NEK7: variants seen among roughly 807,000 people sequenced by gnomAD.
NEK7 encodes serine/threonine-protein kinase Nek7.
In NEK7, 18 loss-of-function variants were observed where a neutral mutation model predicts 44.6. That is an observed-to-expected ratio of 0.40 (90% CI 0.28 to 0.60). The LOEUF is 0.60. NEK7 is among the 20% of genes least tolerant of loss of function. The probability of loss-of-function intolerance (pLI) is 0.38; values close to 1 mark genes in which losing one functional copy is unlikely to be tolerated. For synonymous variants in NEK7, 130 were observed against 121.1 expected (o/e 1.07, Z -0.48); for missense variants, 256 against 366.5 (o/e 0.70, Z 2.46).
At chr1:198,308,028 G>A (rs1655066549) in intron 9 of NEK7, among the ~76,000 whole-genome samples, 1 of 151,946 alleles carries the variant, frequency 6.6e-6, no homozygotes, top group African/African-American at 2.4e-5. Context: ...ATTCATTCTT[G>A]GATTTTTCAT....
At chr1:198,239,814 C>CCT (rs1666634622) in intron 2 of NEK7, among the ~76,000 whole-genome samples, 1 of 152,156 alleles carries the variant, frequency 6.6e-6, no homozygotes, top group African/African-American at 2.4e-5. Context: ...CATTGTCAGG[C>CCT]AAGTTCTTTG....
chr1:198,296,480 A>G (rs1483729400), intron 8 of NEK7, among the ~76,000 whole-genome samples: 1 of 152,182 alleles, frequency 6.6e-6, no homozygotes, highest in African/African-American at 2.4e-5. Context: ...TTTTCTGCAT[A>G]AAAATCTCAT....
chr1:198,268,749 C>T (rs3885821), intron 5 of NEK7, among the ~76,000 whole-genome samples: 20,954 of 152,038 alleles, frequency 0.14, 2,111 homozygotes, highest in East Asian at 0.57. Context: ...GATCCGAGTC[C>T]GTTTTGTGTA....
chr1:198,297,219 T>C lies in NEK7; in HGVS notation c.777T>C (p.Pro259=). Residue 259 remains proline, a synonymous_variant, in exon 9 of 10, where the codon CCT becomes CCC. Transcript: ENST00000367385. The part of the protein sequence containing the change: ...KIEQCDYPPL[P]SDHYSEELRQ... ...AACAGTGTGACTACCCACCTCTTCCTTCAGATCACTATTCAGAAGAAGTAA... is the reference window on the plus strand; with the variant it reads ...AACAGTGTGACTACCCACCTCTTCCCTCAGATCACTATTCAGAAGAAGTAA... 1.2e-6 allele frequency: 2 copies of C among 1,613,534 alleles called. No individual in the cohort carries two copies. Among genetic ancestry groups the C allele is most frequent in the South Asian group, 1.1e-5 (1 of 91,058 alleles).
At chr1:198,166,605 C>T (rs1393154348) in intron 1 of NEK7, among the ~76,000 whole-genome samples, 1 of 151,894 alleles carries the variant, frequency 6.6e-6, no homozygotes, top group Non-Finnish European at 1.5e-5. Context: ...ATAGTGAGGC[C>T]CAAGGAGAGG....
chr1:198,229,363 T>C (rs1163508564), intron 1 of NEK7, among the ~76,000 whole-genome samples: 2 of 152,142 alleles, frequency 1.3e-5, no homozygotes, highest in Non-Finnish European at 2.9e-5. Flanking sequence ...AATAGACTGG[T>C]AAACGTATTT....
At chr1:198,219,752 T>G (rs752493648) in intron 1 of NEK7, among the ~76,000 whole-genome samples, 1 of 152,060 alleles carries the variant, frequency 6.6e-6, no homozygotes, top group Non-Finnish European at 1.5e-5. Context: ...GTTTATATTT[T>G]TGGCAGGAAT....
At chr1:198,242,809 A>T (rs1316211605) in intron 2 of NEK7, among the ~76,000 whole-genome samples, 29 of 140,882 alleles carry the variant, frequency 2.1e-4, no homozygotes, top group Non-Finnish European at 6.2e-5. Flanking sequence ...TATATTTTTA[A>T]TTTTTTTTTT....
At chr1:198,297,295 AT>A in intron 9 of NEK7, 55 bp downstream of exon 9, 1 of 1,601,056 alleles carries the variant, frequency 6.2e-7, no homozygotes. Context: ...TAACATTTTT[AT>A]TTTACCAAGA....
Position 198,157,180 on chromosome 1 carries a change from C to G in NEK7, c.-125C>G, listed in dbSNP as rs989632207. 2 of 151,832 alleles carry G rather than the reference C, an allele frequency of 1.3e-5. No individual in the cohort carries two copies. Among genetic ancestry groups the G allele is most frequent in the Non-Finnish European group, 2.9e-5 (2 of 67,990 alleles). The allele number at this position is 151,832 out of a possible 1,614,324, so 9.4% of individuals were successfully genotyped here. A position where few individuals can be genotyped will look rare whatever the true frequency, so the allele number is the denominator to read the frequency against. On this transcript the variant is annotated 5_prime_UTR_variant, in exon 1 of 10. Coordinates refer to ENST00000367385, the MANE Select transcript of NEK7 (RefSeq NM_133494.3). ...GCTCCGGGCCTCGCAGCCTCAGCCC[C>G]CGGCCCAGCGCGCTTTCCGACGGCG...
chr1:198,225,515 G>T (rs1390540018), intron 1 of NEK7, among the ~76,000 whole-genome samples: 1 of 152,056 alleles, frequency 6.6e-6, no homozygotes, highest in Non-Finnish European at 1.5e-5. Context: ...TTGCTAAAAA[G>T]ATTGTCTTTC....
In NEK7 at chr1:198,319,500, A is replaced by G. The variant is rs1411097098; in HGVS notation, c.887A>G (p.His296Arg). The G allele has an allele frequency of 5.0e-6, 8 of 1,609,136 alleles. No homozygotes were observed. The highest frequency in any genetic ancestry group is 1.1e-5 in the South Asian group (1 of 90,766). The stretch of plus-strand genomic sequence containing the variant: ...GTTTATGACGTAGCAAAGAGGATGC[A>G]TGCATGCACTGCAAGCAGCTAAACA... ...TYVYDVAKRM[H>R]ACTASS The change falls in exon 10 of 10, where the codon CAT (histidine) becomes CGT (arginine). Residue 296 changes from histidine to arginine, a missense_variant. This residue lies in a region of NEK7 where 58 missense variants were observed against 66.5 expected (regional missense o/e 0.87). Transcript: ENST00000367385.
chr1:198,175,602 G>T (rs1300529812), intron 1 of NEK7, among the ~76,000 whole-genome samples: 1 of 152,326 alleles, frequency 6.6e-6, no homozygotes. Flanking sequence ...ACAGCTGAAT[G>T]ATTAGCTTAG....
chr1:198,197,065 T>G (rs147221854), intron 1 of NEK7, among the ~76,000 whole-genome samples: 45 of 152,304 alleles, frequency 3.0e-4, no homozygotes, highest in African/African-American at 1.0e-3. Flanking sequence ...ACATGAAGAT[T>G]ATCATGAGAA....
intron 1 of NEK7, among the ~76,000 whole-genome samples, chr1:198,170,309 A>C (rs1189468947): frequency 6.6e-6 from 1 of 152,154 alleles, no homozygotes; most frequent in Non-Finnish European, 1.5e-5. Flanking sequence ...TGGAGACCAG[A>C]CAGAGACTAG....
intron 7 of NEK7, among the ~76,000 whole-genome samples, chr1:198,279,292 A>G (rs953032478): frequency 1.8e-4 from 28 of 151,936 alleles, no homozygotes; most frequent in African/African-American, 6.0e-4. Context: ...AAAAAAAAAA[A>G]TGCTGATAAG....
At chr1:198,192,359 G>A (rs1288740956) in intron 1 of NEK7, among the ~76,000 whole-genome samples, 1 of 149,340 alleles carries the variant, frequency 6.7e-6, no homozygotes. Flanking sequence ...CCAGCTTTTG[G>A]TTTTGTTGAA....
chr1:198,263,249 G>A (rs894399534), intron 4 of NEK7, among the ~76,000 whole-genome samples: 3 of 151,750 alleles, frequency 2.0e-5, no homozygotes, highest in Non-Finnish European at 4.4e-5. Context: ...TATGCCATCC[G>A]TTTGTGTTAG....
At chr1:198,231,301 G>GTATATATATATATATATATATATATA (rs749263549) in intron 1 of NEK7, among the ~76,000 whole-genome samples, 1 of 86,976 alleles carries the variant, frequency 1.1e-5, no homozygotes. Context: ...ATGTGTGTGT[G>GTATATATATATATATATATATATATA]TATATATATA....
Sources: gnomAD v4.1 joint callset for allele counts (sites outside exome capture counted in the v4.1 genomes callset) on GRCh38, gnomAD v4.1.1 for gene constraint, gnomAD v4.1.1 regional missense constraint, MANE v1.5 for transcripts, NCBI Gene and HGNC (gene_info 2026-07-23, HGNC 2026-07-21) for gene names.